The following RAB3IL1 variants were observed in gnomAD, a reference collection of about 807,000 sequenced individuals.
The protein encoded by RAB3IL1 is RAB3A interacting protein like 1, also known as guanine nucleotide exchange factor for Rab-3A.
RAB3IL1 carries 37 observed loss-of-function variants against 49.2 expected under a neutral mutation model. The ratio of observed to expected loss-of-function variants is 0.75; its 90% CI spans 0.58 to 0.99. The LOEUF (loss-of-function observed/expected upper bound fraction) is 0.99. RAB3IL1 is among the 50% of genes least tolerant of loss of function. RAB3IL1 has a pLI of 0.00. For synonymous variants in RAB3IL1, 193 were observed against 213.9 expected (o/e 0.90, Z 0.85); for missense variants, 484 against 513.0 (o/e 0.94, Z 0.55).
upstream of RAB3IL1, among the ~76,000 whole-genome samples, chr11:61,924,210 G>T (rs976615953): frequency 2.0e-5 from 3 of 152,160 alleles, no homozygotes; most frequent in Admixed American, 6.5e-5. Flanking sequence ...GGTACAGAGC[G>T]GGGCTAGCAG....
intron 1 of RAB3IL1, among the ~76,000 whole-genome samples, chr11:61,909,456 A>G (rs1010896857): frequency 2.0e-5 from 3 of 152,174 alleles, no homozygotes; most frequent in Non-Finnish European, 4.4e-5. Flanking sequence ...GACTCCTGCA[A>G]GGAGCCCACT....
rs1939554380 is a variant in RAB3IL1 at position 61,913,559 on chromosome 11, C to A, written c.11+3798G>T. Among the ~76,000 whole-genome samples the A allele has an allele frequency of 2.0e-5, 3 of 152,204 alleles. No homozygotes were observed. The South Asian group carries it at 6.2e-4, about 31-fold the overall frequency. On this transcript the variant is annotated intron_variant, in intron 1 of 9. Transcript: ENST00000394836. ...TCCAGCCCACCCCTGGCGGGGGAAT[C>A]CAGCCCTGTCTCTCCATGGGAGCCA...
chr11:61,933,783 A>G, the RAB3IL1 span, among the ~76,000 whole-genome samples: 1 of 152,064 alleles, frequency 6.6e-6, no homozygotes, highest in East Asian at 1.9e-4. Flanking sequence ...TGTCTCTACT[A>G]AAAATGCAAA....
chr11:61,905,534 G>A (rs769222454), intron 5 of RAB3IL1, among the ~76,000 whole-genome samples: 14 of 152,270 alleles, frequency 9.2e-5, no homozygotes, highest in South Asian at 2.1e-4. Flanking sequence ...GGGCCAGCCC[G>A]GGCTGGGCCG....
chr11:61,913,865 A>G (rs1347731790), intron 1 of RAB3IL1, among the ~76,000 whole-genome samples: 3 of 152,192 alleles, frequency 2.0e-5, no homozygotes, highest in African/African-American at 7.2e-5. Flanking sequence ...TATTGGGCAT[A>G]AATCATGTGC....
the RAB3IL1 span, among the ~76,000 whole-genome samples, chr11:61,944,212 T>C: frequency 5.5e-5 from 8 of 144,788 alleles, no homozygotes; most frequent in Non-Finnish European, 1.0e-4. Context: ...TTTCCTTCCC[T>C]TCCTTCCCTC....
chr11:61,933,265 G>A, the RAB3IL1 span, among the ~76,000 whole-genome samples: 1 of 152,166 alleles, frequency 6.6e-6, no homozygotes, highest in Non-Finnish European at 1.5e-5. Context: ...TATTGGAGTA[G>A]ACCCTAAATG....
chr11:61,930,098 G>A, the RAB3IL1 span, among the ~76,000 whole-genome samples: 1 of 151,550 alleles, frequency 6.6e-6, no homozygotes, highest in African/African-American at 2.4e-5. Flanking sequence ...GTTTTGCCAC[G>A]TTGCCCAGGC....
upstream of RAB3IL1, among the ~76,000 whole-genome samples, chr11:61,921,722 G>A (rs1939912397): frequency 6.6e-6 from 1 of 152,156 alleles, no homozygotes; most frequent in Non-Finnish European, 1.5e-5. Flanking sequence ...CCATCCACCT[G>A]TGGGATGGTG....
intron 1 of RAB3IL1, among the ~76,000 whole-genome samples, 155 bp from the exon 2 acceptor site, chr11:61,908,461 A>C (rs986619715): frequency 7.9e-5 from 12 of 152,236 alleles, no homozygotes; most frequent in Non-Finnish European, 2.9e-5. Flanking sequence ...CAGTGTTGTT[A>C]CAAGGGCAAA....
chr11:61,946,077 G>A, the RAB3IL1 span, among the ~76,000 whole-genome samples: 1 of 152,156 alleles, frequency 6.6e-6, no homozygotes, highest in Admixed American at 6.5e-5. Context: ...TCCGGGCCCT[G>A]GACTGGCAGT....
chr11:61,937,447 A>G, the RAB3IL1 span, among the ~76,000 whole-genome samples: 1 of 152,068 alleles, frequency 6.6e-6, no homozygotes. Context: ...CTGGGACTAC[A>G]GGTGCACATC....
chr11:61,907,206 G>A (rs977562210), intron 4 of RAB3IL1, among the ~76,000 whole-genome samples, 187 bp downstream of exon 4: 2 of 152,204 alleles, frequency 1.3e-5, no homozygotes, highest in African/African-American at 4.8e-5. Context: ...ATGGAGCCCC[G>A]GGACACTGGG....
At chr11:61,940,844 C>T in the RAB3IL1 span, among the ~76,000 whole-genome samples, 506 of 151,482 alleles carry the variant, frequency 3.3e-3, 5 homozygotes, top group African/African-American at 0.011. Flanking sequence ...GACTTGAACC[C>T]GGGAGGTGGA....
Position 61,897,924 on chromosome 11 carries a change from G to C in RAB3IL1, c.*354C>G, listed in dbSNP as rs1323192213. The C allele has an allele frequency of 1.6e-5, 4 of 244,620 alleles. No individual in the cohort carries two copies. The highest frequency in any genetic ancestry group is 3.2e-5 in the Non-Finnish European group (4 of 124,198). 15.2% of individuals were successfully genotyped at this position (244,620 alleles called of 1,614,324 possible). A position where few individuals can be genotyped will look rare whatever the true frequency, so the allele number is the denominator to read the frequency against. ...ACAAGCCAGCAACAAGGCACCTGCA[G>C]GCAGTTCTGGGGACTGGGGAGGGGG... is the stretch of plus-strand genomic sequence containing the variant. On this transcript the variant is annotated 3_prime_UTR_variant, in exon 10 of 10. Coordinates refer to ENST00000394836, the MANE Select transcript of RAB3IL1 (RefSeq NM_013401.4).
intron 1 of RAB3IL1, among the ~76,000 whole-genome samples, chr11:61,916,849 G>A (rs377506343): frequency 2.2e-4 from 33 of 152,132 alleles, no homozygotes; most frequent in African/African-American, 7.5e-4. Context: ...GGGCGGGGGG[G>A]GTTCCCACTC....
the RAB3IL1 span, among the ~76,000 whole-genome samples, chr11:61,935,168 C>A: frequency 6.6e-6 from 1 of 152,068 alleles, no homozygotes; most frequent in Non-Finnish European, 1.5e-5. Context: ...TTGGCTCACG[C>A]CTGTAATCCC....
At chr11:61,934,450 G>GTGTATGTATGTATATATA in the RAB3IL1 span, among the ~76,000 whole-genome samples, 176 of 31,252 alleles carry the variant, frequency 5.6e-3, 4 homozygotes, top group Non-Finnish European at 7.7e-3. Context: ...GTGTGTGTAT[G>GTGTATGTATGTATATATA]TATATATATA....
In RAB3IL1 at chr11:61,908,318, C is replaced by A; in HGVS notation, c.12-12G>T. 1 of 1,463,200 alleles carries A rather than the reference C, an allele frequency of 6.8e-7. No homozygotes were observed. The highest frequency in any genetic ancestry group is 9.0e-7 in the Non-Finnish European group (1 of 1,112,010). 90.6% of individuals were successfully genotyped at this position (1,463,200 alleles called of 1,614,324 possible). A position where few individuals can be genotyped will look rare whatever the true frequency, so the allele number is the denominator to read the frequency against. On this transcript the variant is annotated splice_polypyrimidine_tract_variant and intron_variant, in intron 1 of 9. Coordinates refer to ENST00000394836, the MANE Select transcript of RAB3IL1 (RefSeq NM_013401.4). ...CTGGCTGGGGTGGGCTGGAGACAAA[C>A]AAGGGTATCAGCAGGTTCAGGGTGG...
Sources: gnomAD v4.1 joint callset for allele counts (sites outside exome capture counted in the v4.1 genomes callset) on GRCh38, gnomAD v4.1.1 for gene constraint, MANE v1.5 for transcripts, NCBI Gene and HGNC (gene_info 2026-07-23, HGNC 2026-07-21) for gene names.